The following MED15 variants were observed in gnomAD, a reference collection of about 807,000 sequenced individuals.
The protein encoded by MED15 is mediator complex subunit 15.
In MED15, 41 loss-of-function variants were observed where a neutral mutation model predicts 118.7. That is an observed-to-expected ratio of 0.35 (90% CI 0.27 to 0.45). MED15 has a LOEUF of 0.45. Ranked by LOEUF, MED15 falls within the 20% of genes least tolerant of loss-of-function variation. MED15 has a pLI of 1.00. For synonymous variants in MED15, 436 were observed against 413.9 expected (o/e 1.05, Z -0.65); for missense variants, 740 against 1,025.5 (o/e 0.72, Z 3.80).
intron 1 of MED15, among the ~76,000 whole-genome samples, chr22:20,525,320 G>GA (rs113246670): frequency 1.4e-5 from 2 of 146,676 alleles, no homozygotes; most frequent in African/African-American, 5.0e-5. Context: ...GAGTTTTTTT[G>GA]TTTTTTTTTT....
At chr22:20,571,784 G>A (rs2056669554) in intron 8 of MED15, among the ~76,000 whole-genome samples, 1 of 152,188 alleles carries the variant, frequency 6.6e-6, no homozygotes, top group African/African-American at 2.4e-5. Context: ...TGAGGCTACG[G>A]TACTCTGATC....
intron 2 of MED15, among the ~76,000 whole-genome samples, chr22:20,546,300 CTT>C (rs1257027148): frequency 6.6e-6 from 1 of 152,064 alleles, no homozygotes; most frequent in Non-Finnish European, 1.5e-5. Context: ...GTGCCGTGGT[CTT>C]TTAGCAAAAA....
chr22:20,510,025 C>T (rs541170911), intron 1 of MED15, among the ~76,000 whole-genome samples: 17 of 152,078 alleles, frequency 1.1e-4, no homozygotes, highest in African/African-American at 3.6e-4. Context: ...TTATTTTTTT[C>T]GATATTGCTG....
intron 3 of MED15, 64 bp from the exon 4 acceptor site, chr22:20,553,081 A>G (rs372267551): frequency 6.8e-5 from 102 of 1,505,388 alleles, no homozygotes; most frequent in Non-Finnish European, 8.7e-5. Flanking sequence ...TGACCTACCC[A>G]TGGAAATATG....
At chr22:20,582,589 G>T (rs765884898) in intron 9 of MED15, 22 bp from the exon 10 acceptor site, 2 of 1,539,046 alleles carry the variant, frequency 1.3e-6, no homozygotes, top group Non-Finnish European at 1.7e-6. Context: ...GCAGCGCGCC[G>T]GCTGAGCCCC....
rs555699575 is a variant in MED15, at chr22:20,543,880, G to C, written c.156+6676G>C. Among the ~76,000 whole-genome samples, 29 of 152,312 alleles carry C rather than the reference G, an allele frequency of 1.9e-4. 1 individual carries two copies. Among genetic ancestry groups the C allele is most frequent in the African/African-American group, 7.0e-4 (29 of 41,584 alleles). ...GCCCAAGCTGAGTCTTGAATGCTTTGATTGGAAGTCTGCTCAGCTAAATGT... is the reference window on the plus strand; with the variant it reads ...GCCCAAGCTGAGTCTTGAATGCTTTCATTGGAAGTCTGCTCAGCTAAATGT... On this transcript the variant is annotated intron_variant, in intron 2 of 17. Coordinates refer to ENST00000263205, the MANE Select transcript of MED15 (RefSeq NM_001003891.3).
At chr22:20,578,049 C>T (rs986104909) in intron 9 of MED15, among the ~76,000 whole-genome samples, 2 of 152,074 alleles carry the variant, frequency 1.3e-5, no homozygotes, top group African/African-American at 2.4e-5. Context: ...CTCAGCCTCT[C>T]GAGTAGCTGG....
intron 9 of MED15, 45 bp downstream of exon 9, chr22:20,575,277 G>A (rs564995856): frequency 4.6e-5 from 73 of 1,602,278 alleles, no homozygotes; most frequent in Admixed American, 4.4e-4. Flanking sequence ...AGCTCGGGGC[G>A]TCCTCTGAGC....
At chr22:20,508,367 C>G (rs765842361) in intron 1 of MED15, 1 of 1,304,112 alleles carries the variant, frequency 7.7e-7, no homozygotes, top group African/African-American at 1.5e-5. Flanking sequence ...ACTCTAGCCC[C>G]TCACCACCGA....
chr22:20,577,415 C>G (rs893583069), intron 9 of MED15, among the ~76,000 whole-genome samples: 1 of 151,478 alleles, frequency 6.6e-6, no homozygotes, highest in Non-Finnish European at 1.5e-5. Flanking sequence ...TCCCTCCCTC[C>G]CTCCTTCCCA....
chr22:20,550,687 C>T (rs992524897), intron 2 of MED15, among the ~76,000 whole-genome samples: 12 of 152,258 alleles, frequency 7.9e-5, no homozygotes, highest in Non-Finnish European at 1.3e-4. Context: ...CTCAGACATC[C>T]GTGTATTGAC....
rs377140443 is a variant in MED15 at position 20,575,174 on chromosome 22, C to T, written c.1214C>T (p.Thr405Ile). The change falls in exon 9 of 18, where the codon ACC (threonine) becomes ATC (isoleucine). Residue 405 changes from threonine to isoleucine, a missense_variant. Coordinates refer to ENST00000263205, the MANE Select transcript of MED15 (RefSeq NM_001003891.3). ...ATAAGAGCCCGGTTCCCGCCTACCACCGCTGTGTCCGCCATCCCGTCAAGC... is the reference window on the plus strand; with the variant it reads ...ATAAGAGCCCGGTTCCCGCCTACCATCGCTGTGTCCGCCATCCCGTCAAGC... ...MHIRARFPPTTAVSAIPSSSI... is the reference protein window; with the variant it reads ...MHIRARFPPTIAVSAIPSSSI... 9.9e-6 allele frequency: 16 copies of T among 1,614,110 alleles called. No homozygotes were observed. Among genetic ancestry groups the T allele is most frequent in the Non-Finnish European group, 1.4e-5 (16 of 1,180,062 alleles).
At chr22:20,554,810 T>C in intron 4 of MED15, 126 bp from the exon 5 acceptor site, 2 of 913,262 alleles carry the variant, frequency 2.2e-6, no homozygotes, top group Non-Finnish European at 3.3e-6. Context: ...CTCTTACTGC[T>C]TGGGGCTGTG....
intron 16 of MED15, 189 bp downstream of exon 16, chr22:20,585,456 C>A (rs901428361): frequency 1.3e-6 from 1 of 799,166 alleles, no homozygotes; most frequent in Non-Finnish European, 2.0e-6. Flanking sequence ...TCCCCACTGC[C>A]AGAGCCCGCA....
intron 3 of MED15, 32 bp from the exon 4 acceptor site, chr22:20,553,113 A>G: frequency 6.3e-7 from 1 of 1,594,016 alleles, no homozygotes; most frequent in Non-Finnish European, 8.6e-7. Context: ...AACTATGTTT[A>G]CTTTCGTTTT....
At chr22:20,577,111 C>T (rs149581664) in intron 9 of MED15, among the ~76,000 whole-genome samples, 1 of 152,320 alleles carries the variant, frequency 6.6e-6, no homozygotes, top group East Asian at 1.9e-4. Context: ...CTTTTACAGA[C>T]TAAGAGTGCC....
At chr22:20,512,793 A>T (rs1292839698) in intron 1 of MED15, among the ~76,000 whole-genome samples, 1 of 145,982 alleles carries the variant, frequency 6.9e-6, no homozygotes, top group Non-Finnish European at 1.5e-5. Flanking sequence ...CTCACTCTGG[A>T]GTGCAATGGT....
At chr22:20,562,689 C>T (rs2056290532) in intron 5 of MED15, among the ~76,000 whole-genome samples, 1 of 152,064 alleles carries the variant, frequency 6.6e-6, no homozygotes, top group African/African-American at 2.4e-5. Context: ...GCCGGTCATA[C>T]ATGTTTTATG....
intron 1 of MED15, among the ~76,000 whole-genome samples, chr22:20,518,151 G>A (rs2054319811): frequency 3.2e-5 from 4 of 125,484 alleles, no homozygotes; most frequent in Admixed American, 3.0e-4. Context: ...TACAGGCTGA[G>A]TTTTATTAAA....
Sources: allele counts gnomAD v4.1 joint callset (sites outside exome capture counted in the v4.1 genomes callset), GRCh38; gene constraint gnomAD v4.1.1; transcripts MANE v1.5; gene names NCBI Gene and HGNC (gene_info 2026-07-23, HGNC 2026-07-21).